The following RASSF3 variants were observed in gnomAD, a reference collection of about 807,000 sequenced individuals.
RASSF3 encodes ras association domain-containing protein 3.
RASSF3 carries 19 observed loss-of-function variants against 19.9 expected under a neutral mutation model. The ratio of observed to expected loss-of-function variants is 0.96; its 90% CI spans 0.67 to 1.40. The LOEUF (loss-of-function observed/expected upper bound fraction) is 1.40, where lower values mean the gene tolerates loss of function less well. Ranked by LOEUF, RASSF3 falls within the 40% of genes most tolerant of loss-of-function variation. The pLI is 0.00. For missense variants in RASSF3, 306 were observed against 289.8 expected, an observed-to-expected ratio of 1.06 and a Z score of -0.41; for synonymous variants, 110 against 104.2, an observed-to-expected ratio of 1.06 and a Z score of -0.34.
intron 1 of RASSF3, among the ~76,000 whole-genome samples, chr12:64,668,011 G>A (rs772032236): frequency 3.9e-5 from 6 of 152,246 alleles, no homozygotes; most frequent in African/African-American, 7.2e-5. Flanking sequence ...TTTGGTCTGA[G>A]TAGAAAGGGC....
chr12:64,545,770 A>C (rs10878189), downstream of RASSF3, among the ~76,000 whole-genome samples: 22,983 of 152,056 alleles, frequency 0.15, 2,262 homozygotes, highest in African/African-American at 0.28. Flanking sequence ...CTACAAAAAA[A>C]TTTAAAATGA....
upstream of RASSF3, among the ~76,000 whole-genome samples, chr12:64,610,187 G>T (rs561165728): frequency 6.6e-6 from 1 of 152,122 alleles, no homozygotes; most frequent in Non-Finnish European, 1.5e-5. Flanking sequence ...GCGGGCGGAC[G>T]GCTCGCAGAG....
At position 64,629,362 on chromosome 12, in the gene RASSF3, C is replaced by A. The variant is rs201486900; in HGVS notation, c.111+18619C>A. ...GGCTCAAGCCGTCTGTCTGCCTTGA[C>A]CTCCCAAAGTGCTGGGATTATAGGC... On this transcript the variant is annotated intron_variant, in intron 1 of 4. Transcript: ENST00000542104. Among the ~76,000 whole-genome samples the A allele has an allele frequency of 1.1e-4, 17 of 152,180 alleles. No individual in the cohort carries two copies. In the East Asian group the frequency reaches 1.4e-3, roughly 12 times the overall value.
intron 1 of RASSF3, among the ~76,000 whole-genome samples, chr12:64,647,707 G>A (rs183933715): frequency 3.3e-5 from 5 of 151,506 alleles, no homozygotes; most frequent in African/African-American, 7.3e-5. Context: ...CACCGCGCCC[G>A]GCCCCGGCCT....
chr12:64,575,114 G>A (rs1331791762), intron 2 of RASSF3, among the ~76,000 whole-genome samples: 1 of 152,160 alleles, frequency 6.6e-6, no homozygotes, highest in Non-Finnish European at 1.5e-5. Flanking sequence ...AAAGAAAGCT[G>A]TCATTTATGT....
chr12:64,581,789 C>CT (rs11364944), intron 2 of RASSF3, among the ~76,000 whole-genome samples: 11 of 143,902 alleles, frequency 7.6e-5, no homozygotes, highest in South Asian at 2.1e-4. Context: ...AGAGATTGAC[C>CT]TTTTTTTTTT....
intron 1 of RASSF3, among the ~76,000 whole-genome samples, chr12:64,651,152 A>G (rs190174499): frequency 2.0e-5 from 3 of 152,302 alleles, no homozygotes; most frequent in Non-Finnish European, 2.9e-5. Flanking sequence ...TAATAGAAAA[A>G]TCAGTGTCTT....
At chr12:64,660,074 A>G (rs1458722024) in intron 1 of RASSF3, among the ~76,000 whole-genome samples, 10 of 134,888 alleles carry the variant, frequency 7.4e-5, no homozygotes, top group African/African-American at 1.6e-4. Flanking sequence ...GTGTGTGTGT[A>G]TGTATATATA....
chr12:64,524,189 C>T (rs1280432477), intron 1 of RASSF3, among the ~76,000 whole-genome samples: 1 of 151,586 alleles, frequency 6.6e-6, no homozygotes, highest in Non-Finnish European at 1.5e-5. Flanking sequence ...GTAGCTGGGA[C>T]TACAGGGGTG....
chr12:64,520,858 C>G (rs1270671743), intron 1 of RASSF3, among the ~76,000 whole-genome samples: 2 of 151,798 alleles, frequency 1.3e-5, no homozygotes, highest in African/African-American at 4.8e-5. Flanking sequence ...CATCTAGGAC[C>G]CCAAAGGAGC....
At chr12:64,671,108 G>A (rs1331096190) in intron 1 of RASSF3, among the ~76,000 whole-genome samples, 1 of 152,120 alleles carries the variant, frequency 6.6e-6, no homozygotes, top group Non-Finnish European at 1.5e-5. Context: ...TCTGTGCTGG[G>A]GACTCTCCCT....
In RASSF3 at chr12:64,684,844, A is replaced by G. The variant is rs1465686453; in HGVS notation, c.169A>G (p.Lys57Glu). ...SYLSKEEIKE[K>E]VHKYNLAVTD... ...CCTCAGCAAAGAGGAGATCAAAGAG[A>G]AAGTTCATAAATACAACTTAGCAGT... The change falls in exon 2 of 5, where the codon AAA (lysine) becomes GAA (glutamate). Residue 57 changes from lysine (K) to glutamate (E), a missense_variant. Physicochemically the swap from Lys to Glu is moderately conservative, Grantham distance 56. Coordinates refer to ENST00000542104, the MANE Select transcript of RASSF3 (RefSeq NM_178169.4). 1 of 1,613,858 alleles carries G rather than the reference A, an allele frequency of 6.2e-7. No individual in the cohort carries two copies. Among genetic ancestry groups the G allele is most frequent in the Non-Finnish European group, 8.5e-7 (1 of 1,179,776 alleles).
chr12:64,509,451 AAAAAT>A (rs1356761684), intron 1 of RASSF3, among the ~76,000 whole-genome samples: 1 of 152,176 alleles, frequency 6.6e-6, no homozygotes, highest in Non-Finnish European at 1.5e-5. Flanking sequence ...CTCAGCCTCA[AAAAAT>A]AAAAATAAGA....
At chr12:64,580,581 C>CAA (rs1869677499) in intron 2 of RASSF3, among the ~76,000 whole-genome samples, 1 of 149,866 alleles carries the variant, frequency 6.7e-6, no homozygotes, top group Non-Finnish European at 1.5e-5. Flanking sequence ...GGAAAACACA[C>CAA]ACACACACAC....
intron 3 of RASSF3, among the ~76,000 whole-genome samples, chr12:64,690,802 AGGAGTAGT>A (rs1276453476): frequency 2.0e-5 from 3 of 151,362 alleles, no homozygotes; most frequent in African/African-American, 7.3e-5. Context: ...TTGTTTTTAA[AGGAGTAGT>A]GGACCCTTTT....
intron 1 of RASSF3, among the ~76,000 whole-genome samples, chr12:64,611,085 C>T (rs1030086864): frequency 2.6e-5 from 4 of 152,196 alleles, no homozygotes; most frequent in African/African-American, 2.4e-5. Context: ...GTTTCCCCTT[C>T]GCGTCCCCGC....
chr12:64,511,244 A>C (rs2136097732), intron 1 of RASSF3, among the ~76,000 whole-genome samples: 1 of 152,328 alleles, frequency 6.6e-6, no homozygotes, highest in African/African-American at 2.4e-5. Context: ...ACCCTGTTTA[A>C]GGAGTTTATA....
At chr12:64,525,400 C>A (rs1332651373) in intron 1 of RASSF3, among the ~76,000 whole-genome samples, 3 of 152,202 alleles carry the variant, frequency 2.0e-5, no homozygotes. Flanking sequence ...CTGAGGGGGA[C>A]TATAACTAGA....
At chr12:64,626,488 C>CAAAAAAA (rs36122537) in intron 1 of RASSF3, among the ~76,000 whole-genome samples, 1 of 76,848 alleles carries the variant, frequency 1.3e-5, no homozygotes, top group African/African-American at 4.4e-5. Flanking sequence ...ACTCTTGTCT[C>CAAAAAAA]AAAAAAAAAA....
Sources: allele counts gnomAD v4.1 joint callset (sites outside exome capture counted in the v4.1 genomes callset), GRCh38; gene constraint gnomAD v4.1.1; transcripts MANE v1.5; gene names NCBI Gene and HGNC (gene_info 2026-07-23, HGNC 2026-07-21).